SFSWAP: variants seen among roughly 807,000 people sequenced by gnomAD.
The protein encoded by SFSWAP is splicing factor, suppressor of white-apricot homolog.
In SFSWAP, 17 loss-of-function variants were observed where a neutral mutation model predicts 100.7. The observed-to-expected ratio is 0.17, with a 90% CI of 0.12 to 0.25. The LOEUF (loss-of-function observed/expected upper bound fraction) is 0.25, where lower values mean the gene tolerates loss of function less well. Among genes scored for constraint, SFSWAP ranks in the 10% least tolerant of loss-of-function variants. The pLI, the probability that SFSWAP is intolerant of heterozygous loss-of-function variation, is 1.00. For missense variants in SFSWAP, 1,005 were observed against 1,262.6 expected (o/e 0.80, Z 3.09); for synonymous variants, 504 against 510.1 (o/e 0.99, Z 0.16).
At chr12:131,796,563 T>G (rs1475760075) in intron 15 of SFSWAP, 1 of 152,514 alleles carries the variant, frequency 6.6e-6, no homozygotes, top group Non-Finnish European at 1.5e-5. Context: ...GGCGGACAAC[T>G]GGCAGGTCAG....
chr12:131,751,717 T>G (rs1371677106), intron 7 of SFSWAP, among the ~76,000 whole-genome samples: 1 of 152,256 alleles, frequency 6.6e-6, no homozygotes, highest in African/African-American at 2.4e-5. Flanking sequence ...CAGCACATAC[T>G]CTGCTCAATG....
Position 131,754,398 on chromosome 12 carries a change from C to T in SFSWAP, c.1353C>T (p.Pro451=), listed in dbSNP as rs534918419. The stretch of plus-strand genomic sequence containing the variant: ...TTGCCCCCGTGGCCGCCATCATCCC[C>T]CCGCCCCCCGACGTCCAGCCCGTGA... ...SALAPVAAII[P]PPPDVQPVID... The change falls in exon 9 of 18, where the codon CCC becomes CCT. Residue 451 remains proline (P), a synonymous_variant. Coordinates refer to ENST00000261674, the MANE Select transcript of SFSWAP (RefSeq NM_004592.4). 7 of 1,595,214 alleles carry T rather than the reference C, an allele frequency of 4.4e-6. 1 individual carries two copies. The highest frequency in any genetic ancestry group is 4.1e-5 in the African/African-American group (3 of 73,872).
At chr12:131,726,534 A>G (rs925522867) in intron 5 of SFSWAP, among the ~76,000 whole-genome samples, 12 of 152,234 alleles carry the variant, frequency 7.9e-5, no homozygotes, top group Non-Finnish European at 1.6e-4. Context: ...TGTTCTCTTC[A>G]GCCAAAATAA....
At position 131,721,282 on chromosome 12, in the gene SFSWAP, T is replaced by C. The variant is rs184917831; in HGVS notation, c.606+1743T>C. Among the ~76,000 whole-genome samples, 416 of 152,358 alleles carry C rather than the reference T, an allele frequency of 2.7e-3. 2 individuals are homozygous for C. Among genetic ancestry groups the C allele is most frequent in the Non-Finnish European group, 4.6e-3 (315 of 68,028 alleles). ...TTTGGCTGGGGACACAGATCCAAAC[T>C]GATCCAAACTATATTACTACATATG... On this transcript the variant is annotated intron_variant, in intron 4 of 17. Coordinates refer to ENST00000261674, the MANE Select transcript of SFSWAP (RefSeq NM_004592.4).
Position 131,785,216 on chromosome 12 carries a change from GT to G in SFSWAP, c.2409-1246del, listed in dbSNP as rs1459866731. ...GCGAGCTCTTTTGAGGGAAAACCTG[GT>G]AAAACGTCAAGGTGTCTAACTGACC... On this transcript the variant is annotated intron_variant, in intron 14 of 17. Coordinates refer to ENST00000261674, the MANE Select transcript of SFSWAP (RefSeq NM_004592.4). The G allele has an allele frequency of 8.5e-6, 13 of 1,527,160 alleles. 1 individual carries two copies. Among genetic ancestry groups the G allele is most frequent in the Non-Finnish European group, 1.1e-5 (13 of 1,142,306 alleles). 94.6% of individuals were successfully genotyped at this position (1,527,160 alleles called of 1,614,324 possible). A position where few individuals can be genotyped will look rare whatever the true frequency, so the allele number is the denominator to read the frequency against.
chr12:131,783,040 G>A (rs984007048), intron 14 of SFSWAP, among the ~76,000 whole-genome samples: 1 of 152,078 alleles, frequency 6.6e-6, no homozygotes, highest in African/African-American at 2.4e-5. Flanking sequence ...AATCAGCCAG[G>A]CGTGTTGGTG....
chr12:131,754,627 C>A (rs879171453), intron 9 of SFSWAP, 128 bp downstream of exon 9: 51 of 80,740 alleles, frequency 6.3e-4, no homozygotes, highest in East Asian at 9.6e-4. Context: ...GCTCAAATGT[C>A]TTTTTTTTTT....
intron 7 of SFSWAP, among the ~76,000 whole-genome samples, chr12:131,747,210 T>C (rs1315742681): frequency 6.6e-6 from 1 of 151,842 alleles, no homozygotes; most frequent in Non-Finnish European, 1.5e-5. Context: ...AGGAACACAG[T>C]GGACAAACCT....
intron 9 of SFSWAP, among the ~76,000 whole-genome samples, chr12:131,754,987 G>A (rs745721000): frequency 1.3e-5 from 2 of 151,870 alleles, no homozygotes; most frequent in Admixed American, 6.6e-5. Flanking sequence ...CTTAGACTTG[G>A]GTGGTGTTTT....
At chr12:131,722,645 A>G (rs1226848850) in intron 4 of SFSWAP, among the ~76,000 whole-genome samples, 1 of 152,108 alleles carries the variant, frequency 6.6e-6, no homozygotes, top group African/African-American at 2.4e-5. Context: ...TCTCTCAGTT[A>G]ATACTCAAAA....
At chr12:131,723,114 CT>C (rs1566005484) in intron 4 of SFSWAP, 1 of 152,114 alleles carries the variant, frequency 6.6e-6, no homozygotes, top group Non-Finnish European at 1.5e-5. Context: ...TAAAGTTAAG[CT>C]TTATCGAATT....
chr12:131,755,679 G>A (rs190895519), intron 10 of SFSWAP, among the ~76,000 whole-genome samples, 200 bp downstream of exon 10: 12 of 152,188 alleles, frequency 7.9e-5, no homozygotes, highest in Admixed American at 3.3e-4. Flanking sequence ...ATCTGCCCAC[G>A]TTCACAGCAT....
At chr12:131,779,897 C>G (rs539096420) in intron 14 of SFSWAP, among the ~76,000 whole-genome samples, 3 of 152,358 alleles carry the variant, frequency 2.0e-5, no homozygotes, top group African/African-American at 7.2e-5. Flanking sequence ...AGTGATTCTT[C>G]TGCCTCAGCC....
chr12:131,754,229 A>G, intron 8 of SFSWAP, 139 bp from the exon 9 acceptor site: 1 of 487,160 alleles, frequency 2.1e-6, no homozygotes, highest in Non-Finnish European at 3.4e-6. Flanking sequence ...CATCACCTTC[A>G]ACAAGAGCCT....
intron 7 of SFSWAP, among the ~76,000 whole-genome samples, chr12:131,731,979 G>A (rs1265185300): frequency 2.3e-5 from 3 of 133,266 alleles, no homozygotes; most frequent in Non-Finnish European, 3.1e-5. Context: ...GTGCAATCTC[G>A]GCTCACTGCA....
intron 13 of SFSWAP, among the ~76,000 whole-genome samples, chr12:131,773,092 A>G (rs1332698649): frequency 6.6e-6 from 1 of 152,154 alleles, no homozygotes; most frequent in African/African-American, 2.4e-5. Flanking sequence ...GAGCAGGCCA[A>G]AAGGCAACAT....
chr12:131,768,651 T>G (rs903774205), intron 13 of SFSWAP, among the ~76,000 whole-genome samples: 15 of 152,202 alleles, frequency 9.9e-5, no homozygotes, highest in Middle Eastern at 3.2e-3. Context: ...TCAGCTCCTC[T>G]GAGCCATTTG....
At chr12:131,755,551 T>C in intron 10 of SFSWAP, 72 bp downstream of exon 10, 1 of 1,025,586 alleles carries the variant, frequency 9.8e-7, no homozygotes, top group East Asian at 2.4e-5. Context: ...GAAGTCGCTT[T>C]CTGTTTCTTC....
intron 7 of SFSWAP, among the ~76,000 whole-genome samples, chr12:131,741,631 G>A (rs1880640531): frequency 6.7e-6 from 1 of 148,978 alleles, no homozygotes; most frequent in Non-Finnish European, 1.5e-5. Context: ...GGGCAACACA[G>A]CGAGACTCTG....
Sources: allele counts gnomAD v4.1 joint callset (sites outside exome capture counted in the v4.1 genomes callset), GRCh38; gene constraint gnomAD v4.1.1; transcripts MANE v1.5; gene names NCBI Gene and HGNC (gene_info 2026-07-23, HGNC 2026-07-21).